The following SLC17A7 variants were observed in gnomAD, a reference collection of about 807,000 sequenced individuals.
SLC17A7 encodes vesicular glutamate transporter 1.
SLC17A7 carries 15 observed loss-of-function variants against 59.1 expected under a neutral mutation model. That is an observed-to-expected ratio of 0.25 (90% CI 0.17 to 0.39). SLC17A7 has a LOEUF of 0.39. Ranked by LOEUF, SLC17A7 falls within the 10% of genes least tolerant of loss-of-function variation. SLC17A7 has a pLI of 1.00. For synonymous variants in SLC17A7, 353 were observed against 308.9 expected (o/e 1.14, Z -1.50); for missense variants, 499 against 765.1 (o/e 0.65, Z 4.10).
In SLC17A7 at chr19:49,436,699, G is replaced by T; in HGVS notation, c.165C>A (p.Thr55=). ...TGTAGCGGCGAGGGAGGCCGAAGCA[G>T]GTGCAGTCCACCACCGGCGGGTCCC... ...QTRDPPVVDC[T]CFGLPRRYII... The change falls in exon 2 of 12, where the codon ACC becomes ACA. Residue 55 remains threonine, a synonymous_variant. Coordinates refer to ENST00000221485, the MANE Select transcript of SLC17A7 (RefSeq NM_020309.4). This position sits in a 1 kb window ranked among gnomAD's most constrained non-coding sequence, Gnocchi z 4.1. 6.2e-7 allele frequency: 1 copy of T among 1,613,644 alleles called. No homozygotes were observed. Among genetic ancestry groups the T allele is most frequent in the Non-Finnish European group, 8.5e-7 (1 of 1,179,962 alleles).
In SLC17A7 at chr19:49,433,696, C is replaced by A. The variant is rs759769251; in HGVS notation, c.867+30G>T. The A allele has an allele frequency of 6.2e-7, 1 of 1,614,050 alleles. No individual in the cohort carries two copies. The highest frequency in any genetic ancestry group is 1.1e-5 in the South Asian group (1 of 91,070). On this transcript the variant is annotated intron_variant, in intron 7 of 11. Transcript: ENST00000221485. The surrounding 1 kb of genome is among the most constrained non-coding windows in gnomAD (Gnocchi z 5.7). ...AGGTTCGTGGCTTGCTATCTCTCCCCGCCCCTTCCCCGAAGATTTGGTCCC... is the reference window on the plus strand; with the variant it reads ...AGGTTCGTGGCTTGCTATCTCTCCCAGCCCCTTCCCCGAAGATTTGGTCCC...
chr19:49,436,354 C>T lies in SLC17A7; in HGVS notation c.315+195G>A, dbSNP rs1600987613. Among the ~76,000 whole-genome samples, 1 of 152,082 alleles carries T rather than the reference C, an allele frequency of 6.6e-6. No homozygotes were observed. The highest frequency in any genetic ancestry group is 2.1e-4 in the South Asian group (1 of 4,816). ...GGGCGGGACTTCATTTAGATCAGGA[C>T]GGGGCTTAGGAAACGGAGGCGGCCC... On this transcript the variant is annotated intron_variant, in intron 2 of 11. Coordinates refer to ENST00000221485, the MANE Select transcript of SLC17A7 (RefSeq NM_020309.4). The surrounding 1 kb of genome is among the most constrained non-coding windows in gnomAD (Gnocchi z 4.1).
At chr19:49,440,901 C>G (rs778149690) in intron 1 of SLC17A7, among the ~76,000 whole-genome samples, 15 of 151,554 alleles carry the variant, frequency 9.9e-5, no homozygotes, top group Non-Finnish European at 2.1e-4. Flanking sequence ...GGCACAGAGA[C>G]GCAAAGAAGC....
rs1354107163 is a variant in SLC17A7, at chr19:49,433,985, T to A, written c.699A>T (p.Gly233=). Residue 233 remains glycine, a synonymous_variant, in exon 6 of 12, where the codon GGA becomes GGT. Transcript: ENST00000221485. The surrounding 1 kb of genome is among the most constrained non-coding windows in gnomAD (Gnocchi z 5.7). ...PLAGVLVQYS[G]WSSVFYVYGS... ...CGTAGACGTAGAAAACAGAGCTCCA[T>A]CCTGAGTACTGCACAAGGACCCCGG... 4 of 1,613,180 alleles carry A rather than the reference T, an allele frequency of 2.5e-6. No individual in the cohort carries two copies. Among genetic ancestry groups the A allele is most frequent in the Non-Finnish European group, 3.4e-6 (4 of 1,179,870 alleles).
In SLC17A7 at chr19:49,430,354, G is replaced by A. The variant is rs990380022; in HGVS notation, c.*165C>T. On this transcript the variant is annotated 3_prime_UTR_variant, in exon 12 of 12. Transcript: ENST00000221485. ...GTCTGCAGCTTCACTACCCCTGAGA[G>A]GCAATTGGGAAGGAAAGAGGATTTG... 12 of 558,932 alleles carry A rather than the reference G, an allele frequency of 2.1e-5. No homozygotes were observed. The highest frequency in any genetic ancestry group is 3.4e-5 in the Non-Finnish European group (11 of 320,788). The allele number at this position is 558,932 out of a possible 1,614,324, so 34.6% of individuals were successfully genotyped here. A position where few individuals can be genotyped will look rare whatever the true frequency, so the allele number is the denominator to read the frequency against.
chr19:49,441,421 G>C lies in SLC17A7; in HGVS notation c.-42C>G, dbSNP rs763251143. 2.7e-5 allele frequency: 38 copies of C among 1,429,772 alleles called. No homozygotes were observed. Among genetic ancestry groups the C allele is most frequent in the Middle Eastern group, 1.9e-4 (1 of 5,264 alleles). 88.6% of individuals were successfully genotyped at this position (1,429,772 alleles called of 1,614,324 possible). ...GCCGGTCACCCCGCGGGTCCCCCCC[G>C]CCGATCCCCCCGCCCGCGGGCCCGG... On this transcript the variant is annotated 5_prime_UTR_variant, in exon 1 of 12. Transcript: ENST00000221485.
At position 49,431,464 on chromosome 19, in the gene SLC17A7, G is replaced by C. The variant is rs370123873; in HGVS notation, c.1151-16C>G. 82 of 1,607,768 alleles carry C rather than the reference G, an allele frequency of 5.1e-5. No homozygotes were observed. The highest frequency in any genetic ancestry group is 6.7e-5 in the Non-Finnish European group (79 of 1,175,542). On this transcript the variant is annotated splice_polypyrimidine_tract_variant and intron_variant, in intron 9 of 11. Transcript: ENST00000221485. The surrounding 1 kb of genome is among the most constrained non-coding windows in gnomAD (Gnocchi z 4.6). Reference sequence around the variant, plus strand: ...ATGCCGAAGCCTACGGGGGCGGGGGGGGCCCGCGTCTCCTGAGTGTCGGCC... The same window carrying C: ...ATGCCGAAGCCTACGGGGGCGGGGGCGGCCCGCGTCTCCTGAGTGTCGGCC...
At chr19:49,430,910 G>A in intron 11 of SLC17A7, 98 bp from the exon 12 acceptor site, 1 of 1,551,772 alleles carries the variant, frequency 6.4e-7, no homozygotes, top group East Asian at 2.3e-5. Context: ...GACCCAGGGA[G>A]GCTGAAAAGG....
At chr19:49,437,352 G>A (rs2078983563) in intron 1 of SLC17A7, 1 of 159,088 alleles carries the variant, frequency 6.3e-6, no homozygotes. Flanking sequence ...TAGGGGGTAG[G>A]GAGGGGGAGT....
chr19:49,439,354 T>G (rs899274961), intron 1 of SLC17A7, among the ~76,000 whole-genome samples: 2 of 152,150 alleles, frequency 1.3e-5, no homozygotes, highest in Non-Finnish European at 2.9e-5. Flanking sequence ...GATCCCTTAC[T>G]GGCCCTCGGC....
In SLC17A7 at chr19:49,436,444, A is replaced by C. The variant is rs2078979760; in HGVS notation, c.315+105T>G. 6.9e-7 allele frequency: 1 copy of C among 1,451,148 alleles called. No individual in the cohort carries two copies. The highest frequency in any genetic ancestry group is 9.3e-7 in the Non-Finnish European group (1 of 1,073,314). The allele number at this position is 1,451,148 out of a possible 1,614,324, so 89.9% of individuals were successfully genotyped here. A position where few individuals can be genotyped will look rare whatever the true frequency, so the allele number is the denominator to read the frequency against. On this transcript the variant is annotated intron_variant, in intron 2 of 11. Coordinates refer to ENST00000221485, the MANE Select transcript of SLC17A7 (RefSeq NM_020309.4). The surrounding 1 kb of genome is among the most constrained non-coding windows in gnomAD (Gnocchi z 4.1). ...GGAGCTATTCCGACAGCGTTTCGGAAGGGGCGTGGCCTGGACGTCTGGTGG... is the reference window on the plus strand; with the variant it reads ...GGAGCTATTCCGACAGCGTTTCGGACGGGGCGTGGCCTGGACGTCTGGTGG...
chr19:49,431,394 C>T lies in SLC17A7; in HGVS notation c.1205G>A (p.Gly402Asp), dbSNP rs749223546. ...LLVVGYSHSKGVAISFLVLAV... is the reference protein window; with the variant it reads ...LLVVGYSHSKDVAISFLVLAV... ...TAGGACCAGGAAGGAGATGGCCACGCCCTTGGAGTGCGAGTAGCCGACCAC... is the reference window on the plus strand; with the variant it reads ...TAGGACCAGGAAGGAGATGGCCACGTCCTTGGAGTGCGAGTAGCCGACCAC... Residue 402 changes from glycine (G) to aspartate (D), a missense_variant, in exon 10 of 12, where the codon GGC becomes GAC. Around this residue, in one of 3 missense-constraint regions of SLC17A7, gnomAD observed 323 missense variants for 607.2 expected, o/e 0.53. Coordinates refer to ENST00000221485, the MANE Select transcript of SLC17A7 (RefSeq NM_020309.4). This position sits in a 1 kb window ranked among gnomAD's most constrained non-coding sequence, Gnocchi z 4.6. The T allele has an allele frequency of 6.2e-7, 1 of 1,614,186 alleles. No homozygotes were observed. Among genetic ancestry groups the T allele is most frequent in the Non-Finnish European group, 8.5e-7 (1 of 1,180,014 alleles).
At chr19:49,430,974 A>T (rs2078957060) in intron 11 of SLC17A7, 41 bp downstream of exon 11, 1 of 1,580,918 alleles carries the variant, frequency 6.3e-7, no homozygotes, top group Non-Finnish European at 8.6e-7. Context: ...GGTACGAAGC[A>T]CACACTTGGA....
intron 1 of SLC17A7, among the ~76,000 whole-genome samples, chr19:49,440,847 G>A (rs2078997398): frequency 6.6e-6 from 1 of 152,072 alleles, no homozygotes; most frequent in Admixed American, 6.6e-5. Context: ...GTCAGGAGTT[G>A]ATAGAGATCC....
At chr19:49,438,764 C>G (rs1413114421) in intron 1 of SLC17A7, among the ~76,000 whole-genome samples, 2 of 152,206 alleles carry the variant, frequency 1.3e-5, no homozygotes, top group Non-Finnish European at 2.9e-5. Flanking sequence ...TTAGACTGAC[C>G]CAGGTTGACA....
rs2079000030 is a variant in SLC17A7, at chr19:49,441,497, A to G, written c.-118T>C. 3.7e-6 allele frequency: 4 copies of G among 1,067,502 alleles called. No homozygotes were observed. The highest frequency in any genetic ancestry group is 4.5e-6 in the Non-Finnish European group (4 of 886,866). The allele number at this position is 1,067,502 out of a possible 1,614,324, so 66.1% of individuals were successfully genotyped here. A position where few individuals can be genotyped will look rare whatever the true frequency, so the allele number is the denominator to read the frequency against. Reference sequence around the variant, plus strand: ...CCAGCCCCGGCCCGGCCGGCCCCGCAGCTCCGCTCGGGGGGAAGGAGGCTG... The same window carrying G: ...CCAGCCCCGGCCCGGCCGGCCCCGCGGCTCCGCTCGGGGGGAAGGAGGCTG... On this transcript the variant is annotated 5_prime_UTR_variant, in exon 1 of 12. Coordinates refer to ENST00000221485, the MANE Select transcript of SLC17A7 (RefSeq NM_020309.4).
At position 49,441,476 on chromosome 19, in the gene SLC17A7, C is replaced by G; in HGVS notation, c.-97G>C. On this transcript the variant is annotated 5_prime_UTR_variant, in exon 1 of 12. Transcript: ENST00000221485. ...CCGCGTCCGGGTTCCCGGGGTCCAGCCCCGGCCCGGCCGGCCCCGCAGCTC... is the reference window on the plus strand; with the variant it reads ...CCGCGTCCGGGTTCCCGGGGTCCAGGCCCGGCCCGGCCGGCCCCGCAGCTC... The G allele has an allele frequency of 9.0e-7, 1 of 1,107,606 alleles. No homozygotes were observed. Among genetic ancestry groups the G allele is most frequent in the Non-Finnish European group, 1.1e-6 (1 of 911,164 alleles). 68.6% of individuals were successfully genotyped at this position (1,107,606 alleles called of 1,614,324 possible).
chr19:49,434,234 C>A (rs954016845), intron 5 of SLC17A7, among the ~76,000 whole-genome samples, 188 bp from the exon 6 acceptor site: 2 of 149,942 alleles, frequency 1.3e-5, no homozygotes, highest in African/African-American at 4.9e-5. Flanking sequence ...GCTCCTCCTC[C>A]CCCAGACCCA....
chr19:49,430,423 G>T lies in SLC17A7; in HGVS notation c.*96C>A. 1 of 878,038 alleles carries T rather than the reference G, an allele frequency of 1.1e-6. No homozygotes were observed. The highest frequency in any genetic ancestry group is 1.7e-6 in the Non-Finnish European group (1 of 574,522). The allele number at this position is 878,038 out of a possible 1,614,324, so 54.4% of individuals were successfully genotyped here. A position where few individuals can be genotyped will look rare whatever the true frequency, so the allele number is the denominator to read the frequency against. ...GAGAGTGCTTCTTAGGCCTGAGGCAGGACAGAGAGGAGCAGGGTTCCTTGA... is the reference window on the plus strand; with the variant it reads ...GAGAGTGCTTCTTAGGCCTGAGGCATGACAGAGAGGAGCAGGGTTCCTTGA... On this transcript the variant is annotated 3_prime_UTR_variant, in exon 12 of 12. Coordinates refer to ENST00000221485, the MANE Select transcript of SLC17A7 (RefSeq NM_020309.4).
Sources: allele counts gnomAD v4.1 joint callset (sites outside exome capture counted in the v4.1 genomes callset), GRCh38; gene constraint gnomAD v4.1.1; regional missense constraint gnomAD v4.1.1; non-coding constraint Gnocchi (gnomAD v3.1); transcripts MANE v1.5; gene names NCBI Gene and HGNC (gene_info 2026-07-23, HGNC 2026-07-21).